Variants in R3HDM1 observed in about 807,000 individuals in gnomAD.
R3HDM1 encodes R3H domain containing 1, also known as R3H domain-containing protein 1.
A neutral mutation model predicts 141.1 loss-of-function variants in R3HDM1; 46 were observed. The ratio of observed to expected loss-of-function variants is 0.33; its 90% CI spans 0.26 to 0.42. R3HDM1 has a LOEUF of 0.42. Ranked by LOEUF, R3HDM1 falls within the 10% of genes least tolerant of loss-of-function variation. The probability of loss-of-function intolerance (pLI) is 1.00; values close to 1 mark genes in which losing one functional copy is unlikely to be tolerated. For synonymous variants in R3HDM1, 435 were observed against 472.9 expected, an observed-to-expected ratio of 0.92 and a Z score of 1.04; for missense variants, 1,184 against 1,368.3, an observed-to-expected ratio of 0.87 and a Z score of 2.12.
intron 20 of R3HDM1, among the ~76,000 whole-genome samples, chr2:135,676,561 A>G (rs963946863): frequency 2.6e-5 from 4 of 152,190 alleles, no homozygotes; most frequent in Admixed American, 6.5e-5. Flanking sequence ...CTGTAATCCT[A>G]ACACTTTGAG....
intron 18 of R3HDM1, among the ~76,000 whole-genome samples, chr2:135,654,481 C>G (rs1009694047): frequency 6.6e-6 from 1 of 151,378 alleles, no homozygotes; most frequent in Admixed American, 6.6e-5. Flanking sequence ...GACAGAGTCT[C>G]TTTGTTGCCC....
intron 7 of R3HDM1, 41 bp downstream of exon 7, chr2:135,622,773 A>G (rs1243506626): frequency 7.3e-6 from 11 of 1,503,648 alleles, no homozygotes; most frequent in Non-Finnish European, 9.8e-6. Flanking sequence ...CTTCTAGAGT[A>G]CCATAATTTT....
chr2:135,648,068 T>C (rs569764586), intron 16 of R3HDM1, among the ~76,000 whole-genome samples: 1 of 152,324 alleles, frequency 6.6e-6, no homozygotes, highest in African/African-American at 2.4e-5. Context: ...AATGGTTATC[T>C]GACTTAATAA....
intron 1 of R3HDM1, among the ~76,000 whole-genome samples, chr2:135,570,482 T>C (rs1159483379): frequency 6.6e-6 from 1 of 152,252 alleles, no homozygotes; most frequent in East Asian, 1.9e-4. Context: ...CTATTTTGTA[T>C]AACTTAATTA....
Position 135,675,421 on chromosome 2 carries a change from C to G in R3HDM1, c.2242C>G (p.Pro748Ala). The G allele has an allele frequency of 6.2e-7, 1 of 1,613,900 alleles. No homozygotes were observed. Among genetic ancestry groups the G allele is most frequent in the Non-Finnish European group, 8.5e-7 (1 of 1,179,854 alleles). Residue 748 changes from proline (P) to alanine (A), a missense_variant, in exon 20 of 27, where the codon CCC (proline) becomes GCC (alanine). Physicochemically the swap from Pro to Ala is conservative, Grantham distance 27. Transcript: ENST00000683871. ...GAGTCAGAGCCTAGTCAGTGGCCAA[C>G]CCAACAGCATTGGAAATCAGATTCA... ...PQSQSLVSGQ[P>A]NSIGNQIQGV...
intron 1 of R3HDM1, among the ~76,000 whole-genome samples, chr2:135,575,531 A>C (rs965591927): frequency 2.0e-5 from 3 of 152,216 alleles, no homozygotes; most frequent in Non-Finnish European, 4.4e-5. Flanking sequence ...TATGGCTGGA[A>C]AACTACAGGG....
intron 1 of R3HDM1, among the ~76,000 whole-genome samples, chr2:135,600,977 A>G (rs1435069642): frequency 6.6e-6 from 1 of 152,138 alleles, no homozygotes; most frequent in Non-Finnish European, 1.5e-5. Flanking sequence ...CTTATCTAGT[A>G]CCTTATTTAT....
At chr2:135,625,130 A>G (rs72988476) in intron 7 of R3HDM1, among the ~76,000 whole-genome samples, 10,385 of 152,184 alleles carry the variant, frequency 0.068, 728 homozygotes, top group African/African-American at 0.18. Context: ...GAACTCAACC[A>G]AAAGGGAACA....
intron 21 of R3HDM1, among the ~76,000 whole-genome samples, chr2:135,708,396 T>G (rs774200940): frequency 6.6e-6 from 1 of 152,238 alleles, no homozygotes; most frequent in African/African-American, 2.4e-5. Context: ...TCCTGTATTC[T>G]CTGTAATTCA....
chr2:135,688,637 T>C (rs946132984), intron 21 of R3HDM1, among the ~76,000 whole-genome samples: 3 of 152,156 alleles, frequency 2.0e-5, no homozygotes, highest in Admixed American at 1.3e-4. Flanking sequence ...TGTTTTGTTA[T>C]CAAGAAATAC....
chr2:135,553,736 G>A (rs1243734777), intron 1 of R3HDM1, among the ~76,000 whole-genome samples: 1 of 152,238 alleles, frequency 6.6e-6, no homozygotes, highest in Non-Finnish European at 1.5e-5. Flanking sequence ...CTGTCGCCCA[G>A]GCTGGAGTGC....
At chr2:135,634,750 T>A (rs936205463) in intron 9 of R3HDM1, among the ~76,000 whole-genome samples, 5 of 152,228 alleles carry the variant, frequency 3.3e-5, no homozygotes, top group Non-Finnish European at 7.3e-5. Flanking sequence ...ACTTAGGTTA[T>A]TCACATATAT....
At chr2:135,692,809 G>C (rs577181018) in intron 21 of R3HDM1, among the ~76,000 whole-genome samples, 2 of 152,218 alleles carry the variant, frequency 1.3e-5, no homozygotes, top group South Asian at 4.1e-4. Context: ...TGTGGTAGTG[G>C]CAGTAGGAGG....
chr2:135,562,680 G>A (rs756604575), intron 1 of R3HDM1, among the ~76,000 whole-genome samples: 1 of 152,090 alleles, frequency 6.6e-6, no homozygotes, highest in Non-Finnish European at 1.5e-5. Context: ...CTGCACAGTT[G>A]AACTTATTTT....
chr2:135,551,459 C>T (rs995116778), intron 1 of R3HDM1, among the ~76,000 whole-genome samples: 1 of 151,888 alleles, frequency 6.6e-6, no homozygotes, highest in Non-Finnish European at 1.5e-5. Flanking sequence ...CTATTGCACT[C>T]TGGTATTTTG....
intron 21 of R3HDM1, among the ~76,000 whole-genome samples, chr2:135,700,425 T>C (rs1210710917): frequency 1.3e-5 from 2 of 152,216 alleles, no homozygotes; most frequent in African/African-American, 4.8e-5. Flanking sequence ...ATGGATTTTA[T>C]TGATGACTTA....
intron 18 of R3HDM1, among the ~76,000 whole-genome samples, chr2:135,657,818 C>T (rs1464255835): frequency 1.3e-5 from 2 of 152,170 alleles, no homozygotes; most frequent in African/African-American, 2.4e-5. Context: ...ATACTAATAG[C>T]TCTGGAAGGA....
At chr2:135,655,943 G>A (rs943760940) in intron 18 of R3HDM1, among the ~76,000 whole-genome samples, 3 of 152,042 alleles carry the variant, frequency 2.0e-5, no homozygotes, top group African/African-American at 7.2e-5. Flanking sequence ...TGATATTATT[G>A]CCATGTTAAC....
rs866119267 is a variant in R3HDM1, at chr2:135,616,198, A to C, written c.213+5A>C. On this transcript the variant is annotated splice_donor_5th_base_variant and intron_variant, in intron 4 of 26. Coordinates refer to ENST00000683871, the MANE Select transcript of R3HDM1 (RefSeq NM_001378107.1). ...CAGACAGGAAAAAGGTCTAAGGTAT[A>C]GTAAATATTTTGGTGTGCTGGCATG... 14 of 1,610,664 alleles carry C rather than the reference A, an allele frequency of 8.7e-6. No homozygotes were observed. Among genetic ancestry groups the C allele is most frequent in the Non-Finnish European group, 1.1e-5 (13 of 1,177,276 alleles).
Sources: gnomAD v4.1 joint callset for allele counts (sites outside exome capture counted in the v4.1 genomes callset) on GRCh38, gnomAD v4.1.1 for gene constraint, MANE v1.5 for transcripts, NCBI Gene and HGNC (gene_info 2026-07-23, HGNC 2026-07-21) for gene names.